The following CHST4 variants were observed in gnomAD, a reference collection of about 807,000 sequenced individuals.
The protein encoded by CHST4 is GST-3.
For synonymous variants in CHST4, 171 were observed against 195.5 expected, an observed-to-expected ratio of 0.87 and a Z score of 1.05; for missense variants, 466 against 506.0, an observed-to-expected ratio of 0.92 and a Z score of 0.76.
chr16:71,532,785 G>A (rs2043958023), intron 1 of CHST4, among the ~76,000 whole-genome samples: 1 of 152,190 alleles, frequency 6.6e-6, no homozygotes, highest in African/African-American at 2.4e-5. Flanking sequence ...TTACATACAT[G>A]TGTGACGGTG....
chr16:71,529,112 T>G (rs1366319360), intron 1 of CHST4, among the ~76,000 whole-genome samples: 1 of 151,958 alleles, frequency 6.6e-6, no homozygotes, highest in Non-Finnish European at 1.5e-5. Context: ...TTTTTGTTTT[T>G]TTTTTTTTGC....
chr16:71,527,196 G>A (rs1430836995), intron 1 of CHST4, among the ~76,000 whole-genome samples: 1 of 152,190 alleles, frequency 6.6e-6, no homozygotes, highest in Non-Finnish European at 1.5e-5. Context: ...CGTCTATCTT[G>A]CATGGCCTTG....
intron 1 of CHST4, among the ~76,000 whole-genome samples, chr16:71,528,952 T>C (rs1404450133): frequency 6.6e-6 from 1 of 152,194 alleles, no homozygotes; most frequent in Non-Finnish European, 1.5e-5. Context: ...TTCAAGTTCC[T>C]AAGGTTCTCT....
Position 71,537,030 on chromosome 16 carries a change from G to A in CHST4, c.353G>A (p.Arg118Gln), listed in dbSNP as rs140436351. 3.8e-5 allele frequency: 62 copies of A among 1,614,114 alleles called. No homozygotes were observed. The African/African-American group carries it at 4.1e-4, about 11-fold the overall frequency. The change falls in exon 2 of 2, where the codon CGG becomes CAG. Residue 118 changes from arginine to glutamine, a missense_variant. By Grantham distance (43) the Arg-to-Gln change is conservative (BLOSUM62 1). Transcript: ENST00000539698. The surrounding 1 kb of genome is among the most constrained non-coding windows in gnomAD (Gnocchi z 4.2). ...VFDAYMEPGP[R>Q]RQSSLFQWEN... ...GATGCCTACATGGAACCTGGTCCCCGGAGACAGTCCAGCCTCTTTCAGTGG... is the reference window on the plus strand; with the variant it reads ...GATGCCTACATGGAACCTGGTCCCCAGAGACAGTCCAGCCTCTTTCAGTGG...
intron 1 of CHST4, among the ~76,000 whole-genome samples, 162 bp downstream of exon 1, chr16:71,526,657 T>C (rs2145199362): frequency 6.6e-6 from 1 of 152,252 alleles, no homozygotes; most frequent in Non-Finnish European, 1.5e-5. Context: ...ATTTTCTGGG[T>C]AAAATAAAAC....
intron 1 of CHST4, among the ~76,000 whole-genome samples, chr16:71,535,182 G>GT (rs1157259467): frequency 1.3e-5 from 2 of 152,154 alleles, no homozygotes; most frequent in East Asian, 1.9e-4. Flanking sequence ...ATATTTGTGG[G>GT]TTTTTTTGGA....
chr16:71,537,881 T>G lies in CHST4; in HGVS notation c.*43T>G, dbSNP rs767694226. On this transcript the variant is annotated 3_prime_UTR_variant, in exon 2 of 2. Coordinates refer to ENST00000539698, the MANE Select transcript of CHST4 (RefSeq NM_001166395.2). The surrounding 1 kb of genome is among the most constrained non-coding windows in gnomAD (Gnocchi z 4.2). ...TGCTGCCACCTGGTGTCAGCCTCAG[T>G]CACTTTCTCTGAATGCTTCTGAGCC... is the stretch of plus-strand genomic sequence containing the variant. 18 of 1,541,134 alleles carry G rather than the reference T, an allele frequency of 1.2e-5. No homozygotes were observed. Among genetic ancestry groups the G allele is most frequent in the Non-Finnish European group, 1.6e-5 (18 of 1,136,612 alleles).
chr16:71,536,989 C>G lies in CHST4; in HGVS notation c.312C>G (p.Cys104Trp). The G allele has an allele frequency of 6.2e-7, 1 of 1,613,870 alleles. No individual in the cohort carries two copies. The highest frequency in any genetic ancestry group is 2.2e-5 in the East Asian group (1 of 44,868). ...VRDLIRAVFL[C>W]DMSVFDAYME... ...ATCTGATACGGGCCGTCTTCTTGTG[C>G]GACATGAGCGTCTTTGATGCCTACA... The change falls in exon 2 of 2, where the codon TGC becomes TGG. Residue 104 changes from cysteine (C) to tryptophan (W), a missense_variant. Transcript: ENST00000539698.
In CHST4 at chr16:71,537,848, G is replaced by T; in HGVS notation, c.*10G>T. The T allele has an allele frequency of 6.3e-7, 1 of 1,596,628 alleles. No individual in the cohort carries two copies. ...TGAGCAAATCCACTAAGAGGGTTGAGAAGGCTTTGCTGCCACCTGGTGTCA... is the reference window on the plus strand; with the variant it reads ...TGAGCAAATCCACTAAGAGGGTTGATAAGGCTTTGCTGCCACCTGGTGTCA... On this transcript the variant is annotated 3_prime_UTR_variant, in exon 2 of 2. Coordinates refer to ENST00000539698, the MANE Select transcript of CHST4 (RefSeq NM_001166395.2). This position sits in a 1 kb window ranked among gnomAD's most constrained non-coding sequence, Gnocchi z 4.2.
chr16:71,531,826 C>T (rs2043950084), intron 1 of CHST4, among the ~76,000 whole-genome samples: 1 of 152,114 alleles, frequency 6.6e-6, no homozygotes, highest in South Asian at 2.1e-4. Flanking sequence ...TTCTCATTTT[C>T]CTCTCTTTTT....
At position 71,536,960 on chromosome 16, in the gene CHST4, C is replaced by G. The variant is rs151246509; in HGVS notation, c.283C>G (p.Arg95Gly). The change falls in exon 2 of 2, where the codon CGG becomes GGG. Residue 95 changes from arginine (R) to glycine (G), a missense_variant. Arg to Gly is a moderately radical substitution (Grantham distance 125). Coordinates refer to ENST00000539698, the MANE Select transcript of CHST4 (RefSeq NM_001166395.2). ...STAWMLHMAV[R>G]DLIRAVFLCD... ...CGCCTGGATGCTGCACATGGCTGTG[C>G]GGGATCTGATACGGGCCGTCTTCTT... 6 of 1,613,710 alleles carry G rather than the reference C, an allele frequency of 3.7e-6. No individual in the cohort carries two copies. The African/African-American group carries it at 8.0e-5, about 22-fold the overall frequency.
rs562807987 is a variant in CHST4 at position 71,536,531 on chromosome 16, G to A, written c.-18-129G>A. On this transcript the variant is annotated intron_variant, in intron 1 of 1. Coordinates refer to ENST00000539698, the MANE Select transcript of CHST4 (RefSeq NM_001166395.2). Reference sequence around the variant, plus strand: ...GAAGGACTGGTGCCATTGTTGGCACGAATCCTCTGGCTTTCCATGTTGCTC... The same window carrying A: ...GAAGGACTGGTGCCATTGTTGGCACAAATCCTCTGGCTTTCCATGTTGCTC... The A allele has an allele frequency of 7.6e-6, 4 of 522,950 alleles. No individual in the cohort carries two copies. In the Admixed American group the frequency reaches 1.1e-4, roughly 15 times the overall value. 32.4% of individuals were successfully genotyped at this position (522,950 alleles called of 1,614,324 possible).
At chr16:71,529,543 A>ATTTTTTTTTTTTTTTTTTTTTTT (rs1157747412) in intron 1 of CHST4, among the ~76,000 whole-genome samples, 1 of 41,328 alleles carries the variant, frequency 2.4e-5, no homozygotes, top group Non-Finnish European at 4.3e-5. Context: ...ATGCTCATCT[A>ATTTTTTTTTTTTTTTTTTTTTTT]TTTTTTTTTT....
At chr16:71,530,585 G>A (rs1222508109) in intron 1 of CHST4, among the ~76,000 whole-genome samples, 2 of 151,688 alleles carry the variant, frequency 1.3e-5, no homozygotes, top group African/African-American at 4.8e-5. Flanking sequence ...GGGCAATATA[G>A]TGAGGGCCAG....
In CHST4 at chr16:71,528,249, C is replaced by CA. The variant is rs10716662; in HGVS notation, c.-19+1774dup. 1.5e-3 allele frequency among the ~76,000 whole-genome samples: 169 copies of CA among 109,242 alleles called. 1 individual carries two copies. The highest frequency in any genetic ancestry group is 0.012 in the East Asian group (34 of 2,912). 71.7% of individuals were successfully genotyped at this position (109,242 alleles called of 152,430 possible). On this transcript the variant is annotated intron_variant, in intron 1 of 1. Coordinates refer to ENST00000539698, the MANE Select transcript of CHST4 (RefSeq NM_001166395.2). ...TGGACAACAGAGCAAGACTTCATTT[C>CA]AAAAAAAAAAAAAAAAAAAAGAGTC...
In CHST4 at chr16:71,537,770, G is replaced by A; in HGVS notation, c.1093G>A (p.Glu365Lys). 1 of 1,614,236 alleles carries A rather than the reference G, an allele frequency of 6.2e-7. No individual in the cohort carries two copies. ...GCTGGGCTACCGCCACGTCAGATCT[G>A]AACAAGAACAGAGAAACCTGTTGCT... is the stretch of plus-strand genomic sequence containing the variant. ...NLLGYRHVRS[E>K]QEQRNLLLDL... Residue 365 changes from glutamate to lysine, a missense_variant, in exon 2 of 2, where the codon GAA becomes AAA. Transcript: ENST00000539698. This position sits in a 1 kb window ranked among gnomAD's most constrained non-coding sequence, Gnocchi z 4.2.
chr16:71,535,762 A>C (rs1296153585), intron 1 of CHST4, among the ~76,000 whole-genome samples: 1 of 152,138 alleles, frequency 6.6e-6, no homozygotes, highest in East Asian at 1.9e-4. Flanking sequence ...GCAGGTAAGG[A>C]GACACTAATA....
chr16:71,530,750 G>A (rs1032424901), intron 1 of CHST4, among the ~76,000 whole-genome samples: 2 of 151,164 alleles, frequency 1.3e-5, no homozygotes, highest in African/African-American at 4.9e-5. Flanking sequence ...CTCCACCCTG[G>A]GCAACAGAGT....
chr16:71,531,328 T>C (rs1039279425), intron 1 of CHST4, among the ~76,000 whole-genome samples: 11 of 152,170 alleles, frequency 7.2e-5, no homozygotes, highest in African/African-American at 2.7e-4. Flanking sequence ...TCTTCAGAAA[T>C]GAGTTTTGCC....
Sources: gnomAD v4.1 joint callset for allele counts (sites outside exome capture counted in the v4.1 genomes callset) on GRCh38, gnomAD v4.1.1 for gene constraint, Gnocchi (gnomAD v3.1) non-coding constraint, MANE v1.5 for transcripts, NCBI Gene and HGNC (gene_info 2026-07-23, HGNC 2026-07-21) for gene names.